Variants in KIAA1217 observed in about 807,000 individuals in gnomAD.
The protein encoded by KIAA1217 is sickle tail protein homolog.
In KIAA1217, 88 loss-of-function variants were observed where a neutral mutation model predicts 163.9. The observed-to-expected ratio is 0.54, with a 90% CI of 0.45 to 0.64. KIAA1217 has a LOEUF of 0.64. Among genes scored for constraint, KIAA1217 ranks in the 30% least tolerant of loss-of-function variants. The pLI, the probability that KIAA1217 is intolerant of heterozygous loss-of-function variation, is 0.00. For missense variants in KIAA1217, 2,372 were observed against 2,475.0 expected (o/e 0.96, Z 0.88); for synonymous variants, 903 against 923.1 (o/e 0.98, Z 0.39).
chr10:24,535,184 A>G (rs924277857), intron 16 of KIAA1217, among the ~76,000 whole-genome samples: 1 of 152,194 alleles, frequency 6.6e-6, no homozygotes, highest in Non-Finnish European at 1.5e-5. Flanking sequence ...GGCAATTGGC[A>G]TTTGTAAGCA....
At chr10:23,942,242 G>A (rs897655726) in intron 1 of KIAA1217, among the ~76,000 whole-genome samples, 1 of 152,148 alleles carries the variant, frequency 6.6e-6, no homozygotes, top group Non-Finnish European at 1.5e-5. Context: ...CATGGATTTG[G>A]AGACTAGCAG....
At chr10:23,944,354 G>C (rs1421080868) in intron 1 of KIAA1217, among the ~76,000 whole-genome samples, 1 of 124,748 alleles carries the variant, frequency 8.0e-6, no homozygotes, top group East Asian at 2.0e-4. Context: ...GAGCCTCAGA[G>C]GCAGAGGCTG....
chr10:24,495,117 C>T, intron 7 of KIAA1217, 30 bp from the exon 8 acceptor site: 1 of 1,585,108 alleles, frequency 6.3e-7, no homozygotes, highest in Non-Finnish European at 8.6e-7. Flanking sequence ...TTGGAAACTG[C>T]ATAGCTGACT....
chr10:23,997,127 G>A (rs1178354715), intron 1 of KIAA1217, among the ~76,000 whole-genome samples: 1 of 152,156 alleles, frequency 6.6e-6, no homozygotes, highest in African/African-American at 2.4e-5. Flanking sequence ...AACTGTTTGT[G>A]CTTTTAGTGT....
chr10:24,485,503 G>A (rs1176905077), intron 6 of KIAA1217, among the ~76,000 whole-genome samples: 1 of 152,158 alleles, frequency 6.6e-6, no homozygotes, highest in Non-Finnish European at 1.5e-5. Context: ...CACCAGCTCA[G>A]GGAGGCCTTT....
chr10:24,502,605 C>G (rs2067810390), intron 9 of KIAA1217, among the ~76,000 whole-genome samples: 2 of 152,170 alleles, frequency 1.3e-5, no homozygotes, highest in Admixed American at 6.5e-5. Context: ...ACCTCCCTGC[C>G]CTGGCTGGTA....
chr10:24,219,396 G>A (rs1342118378), intron 1 of KIAA1217, among the ~76,000 whole-genome samples: 1 of 152,214 alleles, frequency 6.6e-6, no homozygotes, highest in African/African-American at 2.4e-5. Context: ...ACAGGCAGGA[G>A]TCGCCATGCC....
At chr10:23,981,077 T>C (rs919152342) in intron 1 of KIAA1217, among the ~76,000 whole-genome samples, 64 of 152,204 alleles carry the variant, frequency 4.2e-4, no homozygotes, top group African/African-American at 1.4e-3. Context: ...AAAGCAGAGA[T>C]AAACTTTAGT....
Position 24,494,624 on chromosome 10 carries a change from A to C in KIAA1217, c.1784+20A>C. 3 of 1,450,834 alleles carry C rather than the reference A, an allele frequency of 2.1e-6. No individual in the cohort carries two copies. The highest frequency in any genetic ancestry group is 2.9e-6 in the Non-Finnish European group (3 of 1,042,706). 89.9% of individuals were successfully genotyped at this position (1,450,834 alleles called of 1,614,324 possible). A position where few individuals can be genotyped will look rare whatever the true frequency, so the allele number is the denominator to read the frequency against. The stretch of plus-strand genomic sequence containing the variant: ...GTCTAGGTAAAAAAGAAGAAAGCCA[A>C]TGAAAAAAATAATTCAATCTGTTTC... On this transcript the variant is annotated intron_variant, in intron 7 of 20. Transcript: ENST00000376454.
At chr10:24,503,963 C>G (rs1192779146) in intron 9 of KIAA1217, among the ~76,000 whole-genome samples, 1 of 152,216 alleles carries the variant, frequency 6.6e-6, no homozygotes, top group African/African-American at 2.4e-5. Context: ...GATGGAATTG[C>G]TTTAGCATAA....
At chr10:24,214,454 G>A (rs931436309) in intron 1 of KIAA1217, among the ~76,000 whole-genome samples, 1 of 152,166 alleles carries the variant, frequency 6.6e-6, no homozygotes, top group Non-Finnish European at 1.5e-5. Flanking sequence ...ACTGGCCAAA[G>A]AGTAAAGAGA....
intron 2 of KIAA1217, among the ~76,000 whole-genome samples, chr10:24,183,823 G>A (rs2066293671): frequency 6.6e-6 from 1 of 152,162 alleles, no homozygotes. Context: ...AACACAGAAG[G>A]AATCTATTCT....
intron 2 of KIAA1217, among the ~76,000 whole-genome samples, chr10:24,202,230 G>A (rs1037170646): frequency 3.9e-5 from 6 of 152,342 alleles, no homozygotes; most frequent in Middle Eastern, 6.8e-3. Flanking sequence ...AACTAGCTGC[G>A]TTGTTGAAAC....
At chr10:23,861,860 G>A (rs1021894570) in intron 1 of KIAA1217, among the ~76,000 whole-genome samples, 4 of 152,140 alleles carry the variant, frequency 2.6e-5, no homozygotes, top group African/African-American at 9.7e-5. Flanking sequence ...CTCCTTGTGA[G>A]CCTCAGAGCA....
At chr10:23,705,614 C>A (rs1265517835) in intron 1 of KIAA1217, among the ~76,000 whole-genome samples, 1 of 152,080 alleles carries the variant, frequency 6.6e-6, no homozygotes, top group Admixed American at 6.5e-5. Context: ...ATTTTTATGC[C>A]AGTACCACAT....
At chr10:23,748,952 A>T (rs1839577761) in intron 1 of KIAA1217, among the ~76,000 whole-genome samples, 1 of 152,182 alleles carries the variant, frequency 6.6e-6, no homozygotes, top group Non-Finnish European at 1.5e-5. Context: ...CCTCAATACT[A>T]GTGAACTTCA....
At position 23,712,595 on chromosome 10, in the gene KIAA1217, CT is replaced by C. The variant is rs775001737; in HGVS notation, c.-321+17369del. Among the ~76,000 whole-genome samples the C allele has an allele frequency of 1.2e-4, 18 of 151,846 alleles. No individual in the cohort carries two copies. In the South Asian group the frequency reaches 1.5e-3, roughly 12 times the overall value. On this transcript the variant is annotated intron_variant, in intron 1 of 18. Coordinates refer to the KIAA1217 transcript ENST00000376462. ...TTGAACCTGCTTTATTTCAAGGGCA[CT>C]TTTTTTTAAGCTTTTGACAAATAAT... is the stretch of plus-strand genomic sequence containing the variant.
At chr10:24,040,295 G>T (rs1416786444) in intron 2 of KIAA1217, among the ~76,000 whole-genome samples, 1 of 152,150 alleles carries the variant, frequency 6.6e-6, no homozygotes, top group Non-Finnish European at 1.5e-5. Flanking sequence ...AATCCTGACT[G>T]GTTCCTCTCT....
intron 1 of KIAA1217, among the ~76,000 whole-genome samples, chr10:23,958,342 C>T (rs1327551671): frequency 6.6e-6 from 1 of 152,030 alleles, no homozygotes; most frequent in Non-Finnish European, 1.5e-5. Flanking sequence ...AATGCCACAC[C>T]AAAAAATTGG....
Sources: allele counts gnomAD v4.1 joint callset (sites outside exome capture counted in the v4.1 genomes callset), GRCh38; gene constraint gnomAD v4.1.1; transcripts MANE v1.5; gene names NCBI Gene and HGNC (gene_info 2026-07-23, HGNC 2026-07-21).